TMEM267: variants seen among roughly 807,000 people sequenced by gnomAD.
TMEM267 encodes transmembrane protein C5orf28.
TMEM267 carries 20 observed loss-of-function variants against 19.3 expected under a neutral mutation model. The ratio of observed to expected loss-of-function variants is 1.04; its 90% CI spans 0.73 to 1.51. The LOEUF is 1.51. TMEM267 is among the 40% of genes most tolerant of loss of function. The pLI is 0.00. For missense variants in TMEM267, 242 were observed against 261.9 expected (o/e 0.92, Z 0.52); for synonymous variants, 88 against 90.3 (o/e 0.97, Z 0.15).
chr5:43,454,091 A>G (rs1469612560), intron 1 of TMEM267, 48 bp from the exon 2 acceptor site: 2 of 1,286,552 alleles, frequency 1.6e-6, no homozygotes, highest in Non-Finnish European at 2.1e-6. Context: ...ATGGACTACC[A>G]TATAATATTT....
At chr5:43,463,933 T>C (rs1411141249) in intron 1 of TMEM267, among the ~76,000 whole-genome samples, 2 of 152,104 alleles carry the variant, frequency 1.3e-5, no homozygotes, top group Non-Finnish European at 2.9e-5. Flanking sequence ...CTATTCAACA[T>C]AGTGTTGGAA....
At chr5:43,477,310 C>CG (rs970543573) in intron 1 of TMEM267, among the ~76,000 whole-genome samples, 2 of 151,982 alleles carry the variant, frequency 1.3e-5, no homozygotes, top group Non-Finnish European at 2.9e-5. Context: ...AGACACAGGC[C>CG]GGGGGCGGTG....
chr5:43,455,995 CT>C (rs879869645), intron 1 of TMEM267, among the ~76,000 whole-genome samples: 134 of 143,452 alleles, frequency 9.3e-4, no homozygotes, highest in East Asian at 4.2e-3. Flanking sequence ...GTCACCATGC[CT>C]TTTTTTTTTT....
At position 43,446,522 on chromosome 5, in the gene TMEM267, G is replaced by C. The variant is rs770431146; in HGVS notation, c.348C>G (p.His116Gln). ...ALTLPRRPFL[H>Q]CSTVIPVVVL... ...CCACAACGGGAATCACAGTAGAACA[G>C]TGAAGGAAAGGTCTTCGCGGGAGAG... Residue 116 changes from histidine (H) to glutamine (Q), a missense_variant, in exon 3 of 3, where the codon CAC (histidine) becomes CAG (glutamine). Physicochemically the swap from His to Gln is conservative, Grantham distance 24 (BLOSUM62 0). Transcript: ENST00000397080. 3.1e-6 allele frequency: 5 copies of C among 1,613,086 alleles called. No individual in the cohort carries two copies. The South Asian group carries it at 5.5e-5, about 18-fold the overall frequency.
At chr5:43,455,100 C>T (rs1373498339) in intron 1 of TMEM267, among the ~76,000 whole-genome samples, 4 of 152,126 alleles carry the variant, frequency 2.6e-5, no homozygotes, top group African/African-American at 7.2e-5. Context: ...TGGAGGACTA[C>T]TTATGCCATC....
chr5:43,461,004 T>A (rs1455064618), intron 1 of TMEM267, among the ~76,000 whole-genome samples: 2 of 152,172 alleles, frequency 1.3e-5, no homozygotes, highest in Non-Finnish European at 2.9e-5. Context: ...GCCAAAGGTA[T>A]GCTGGCATCA....
chr5:43,446,621 T>G, intron 2 of TMEM267, 64 bp from the exon 3 acceptor site: 1 of 983,372 alleles, frequency 1.0e-6, no homozygotes, highest in South Asian at 1.7e-5. Context: ...TTATACATGC[T>G]TCTTAATATT....
At chr5:43,452,598 A>C (rs1742673231) in intron 2 of TMEM267, among the ~76,000 whole-genome samples, 1 of 151,848 alleles carries the variant, frequency 6.6e-6, no homozygotes, top group East Asian at 1.9e-4. Flanking sequence ...AAAAAAAAAA[A>C]AAAACTGAAG....
chr5:43,453,986 G>C lies in TMEM267; in HGVS notation c.-17C>G. 1 of 1,607,718 alleles carries C rather than the reference G, an allele frequency of 6.2e-7. No homozygotes were observed. Among genetic ancestry groups the C allele is most frequent in the Non-Finnish European group, 8.5e-7 (1 of 1,176,046 alleles). On this transcript the variant is annotated 5_prime_UTR_variant, in exon 2 of 3. The change creates a premature stop within an existing upstream ORF in the 5' untranslated region. Transcript: ENST00000397080. ...GGATGCCATGACAAACAATATGTTA[G>C]TATAGACTAAAAGCCATCAGGAATG...
At chr5:43,462,452 A>G (rs190055677) in intron 1 of TMEM267, among the ~76,000 whole-genome samples, 7 of 152,308 alleles carry the variant, frequency 4.6e-5, no homozygotes, top group Non-Finnish European at 7.4e-5. Flanking sequence ...GGCACTAAAG[A>G]CCAATCTTGG....
intron 2 of TMEM267, among the ~76,000 whole-genome samples, chr5:43,450,254 A>G (rs1248350969): frequency 6.6e-6 from 1 of 152,058 alleles, no homozygotes; most frequent in Non-Finnish European, 1.5e-5. Flanking sequence ...TCAGCCTCAC[A>G]GTGTTGGGGT....
chr5:43,481,935 C>T (rs1261718920), intron 1 of TMEM267, among the ~76,000 whole-genome samples: 2 of 152,174 alleles, frequency 1.3e-5, no homozygotes, highest in African/African-American at 2.4e-5. Flanking sequence ...CTCCCCCTCC[C>T]GGGTTCACGC....
chr5:43,467,277 T>A (rs1015819092), intron 1 of TMEM267, among the ~76,000 whole-genome samples: 3 of 151,598 alleles, frequency 2.0e-5, no homozygotes, highest in Admixed American at 2.0e-4. Flanking sequence ...AATTCTCTAA[T>A]CAAAAGCCAT....
chr5:43,457,411 T>C (rs972920630), intron 1 of TMEM267, among the ~76,000 whole-genome samples: 7 of 152,190 alleles, frequency 4.6e-5, no homozygotes, highest in Non-Finnish European at 8.8e-5. Context: ...AGAAGCTTAA[T>C]TGGCTTACAG....
intron 1 of TMEM267, among the ~76,000 whole-genome samples, chr5:43,473,361 C>T (rs1356168189): frequency 2.6e-5 from 4 of 152,196 alleles, no homozygotes; most frequent in East Asian, 1.9e-4. Flanking sequence ...AAAACCCCAT[C>T]GTCTCAGCCC....
At chr5:43,466,424 G>T (rs1268424771) in intron 1 of TMEM267, among the ~76,000 whole-genome samples, 1 of 152,086 alleles carries the variant, frequency 6.6e-6, no homozygotes, top group Non-Finnish European at 1.5e-5. Flanking sequence ...CAAACATGAA[G>T]AAGAAATAAA....
chr5:43,471,405 C>A (rs1158292643), intron 1 of TMEM267, among the ~76,000 whole-genome samples: 1 of 151,484 alleles, frequency 6.6e-6, no homozygotes, highest in African/African-American at 2.4e-5. Flanking sequence ...TATCAAAATA[C>A]TAATGACATT....
At chr5:43,455,722 G>A (rs35923573) in intron 1 of TMEM267, among the ~76,000 whole-genome samples, 2,092 of 151,854 alleles carry the variant, frequency 0.014, 58 homozygotes, top group East Asian at 0.13. Flanking sequence ...TAATTTTTTT[G>A]TTTGTATTTT....
At chr5:43,476,703 C>G (rs150267841) in intron 1 of TMEM267, among the ~76,000 whole-genome samples, 1 of 151,404 alleles carries the variant, frequency 6.6e-6, no homozygotes, top group East Asian at 1.9e-4. Flanking sequence ...AAAAAAGTAG[C>G]ATAATGTGAG....
Sources: gnomAD v4.1 joint callset for allele counts (sites outside exome capture counted in the v4.1 genomes callset) on GRCh38, gnomAD v4.1.1 for gene constraint, MANE v1.5 for transcripts, NCBI Gene and HGNC (gene_info 2026-07-23, HGNC 2026-07-21) for gene names.